Variants in ACER3 observed in about 807,000 individuals in gnomAD.
ACER3 encodes alkCDase 3.
ACER3 carries 16 observed loss-of-function variants against 48.9 expected under a neutral mutation model. The ratio of observed to expected loss-of-function variants is 0.33; its 90% CI spans 0.22 to 0.50. The LOEUF (loss-of-function observed/expected upper bound fraction) is 0.50, where lower values mean the gene tolerates loss of function less well. Among genes scored for constraint, ACER3 ranks in the 20% least tolerant of loss-of-function variants. The pLI, the probability that ACER3 is intolerant of heterozygous loss-of-function variation, is 0.98. For synonymous variants in ACER3, 109 were observed against 107.8 expected (o/e 1.01, Z -0.07); for missense variants, 227 against 326.0 (o/e 0.70, Z 2.34).
At chr11:76,909,489 C>T (rs1223939568) in intron 1 of ACER3, among the ~76,000 whole-genome samples, 1 of 152,180 alleles carries the variant, frequency 6.6e-6, no homozygotes, top group Non-Finnish European at 1.5e-5. Flanking sequence ...CAAAAGAAGA[C>T]ATTTATATGG....
intron 9 of ACER3, among the ~76,000 whole-genome samples, chr11:77,017,003 A>G (rs1163096821): frequency 6.6e-6 from 1 of 152,196 alleles, no homozygotes; most frequent in Non-Finnish European, 1.5e-5. Context: ...AACTTATGAC[A>G]TGCAGCAAAA....
rs1176218480 is a variant in ACER3, at chr11:77,026,464, T to A, written c.*6137T>A. 8 of 152,230 alleles carry A rather than the reference T, an allele frequency of 5.3e-5. No individual in the cohort carries two copies. Among genetic ancestry groups the A allele is most frequent in the Non-Finnish European group, 1.0e-4 (7 of 68,038 alleles). 9.4% of individuals were successfully genotyped at this position (152,230 alleles called of 1,614,324 possible). On this transcript the variant is annotated 3_prime_UTR_variant, in exon 11 of 11. Transcript: ENST00000532485. ...CTATCATGCCTTTCCATACTTGTAA[T>A]ATTTCTGAGTCACTTATTAATGTGA...
chr11:77,015,125 A>T lies in ACER3; in HGVS notation c.599+8A>T, dbSNP rs375377058. On this transcript the variant is annotated splice_region_variant and intron_variant, in intron 8 of 10. Coordinates refer to ENST00000532485, the MANE Select transcript of ACER3 (RefSeq NM_018367.7). ...ATTTTGTGAGTCACTGAGGTAAGAT[A>T]TATTTTCATTCCTTCAGAAATATTT... 1.5e-6 allele frequency: 2 copies of T among 1,372,486 alleles called. No individual in the cohort carries two copies. Among genetic ancestry groups the T allele is most frequent in the African/African-American group, 1.4e-5 (1 of 69,638 alleles). 85.0% of individuals were successfully genotyped at this position (1,372,486 alleles called of 1,614,324 possible).
chr11:76,950,101 T>A (rs1947601526), intron 2 of ACER3, among the ~76,000 whole-genome samples: 1 of 151,934 alleles, frequency 6.6e-6, no homozygotes, highest in South Asian at 2.1e-4. Flanking sequence ...AGATGACTTT[T>A]CTGCTCTCCC....
chr11:76,995,977 T>G (rs1203402215), intron 6 of ACER3, among the ~76,000 whole-genome samples: 1 of 152,184 alleles, frequency 6.6e-6, no homozygotes, highest in Non-Finnish European at 1.5e-5. Context: ...GGTCTCTACT[T>G]AGATATCTCA....
rs1261260756 is a variant in ACER3, at chr11:77,025,418, A to ATTTT, written c.*5095_*5098dup. ...TATATATATATATATATATTTATTT[A>ATTTT]TTTTTTTGAGACAGAGTCTCTCTCT... On this transcript the variant is annotated 3_prime_UTR_variant, in exon 11 of 11. Coordinates refer to ENST00000532485, the MANE Select transcript of ACER3 (RefSeq NM_018367.7). The ATTTT allele has an allele frequency of 3.6e-5, 5 of 140,096 alleles. No individual in the cohort carries two copies. Among genetic ancestry groups the ATTTT allele is most frequent in the East Asian group, 2.2e-4 (1 of 4,610 alleles). 8.7% of individuals were successfully genotyped at this position (140,096 alleles called of 1,614,324 possible).
intron 3 of ACER3, among the ~76,000 whole-genome samples, chr11:76,960,345 A>T (rs1947955327): frequency 6.6e-6 from 1 of 151,932 alleles, no homozygotes; most frequent in South Asian, 2.1e-4. Flanking sequence ...GGAGGCGGAG[A>T]TCGCAGTAAG....
intron 7 of ACER3, among the ~76,000 whole-genome samples, chr11:77,000,256 T>C (rs1555019507): frequency 1.3e-5 from 2 of 152,230 alleles, no homozygotes; most frequent in Non-Finnish European, 2.9e-5. Context: ...CTCATGTCTT[T>C]GCCTGGTTTC....
intron 1 of ACER3, among the ~76,000 whole-genome samples, chr11:76,873,359 G>C (rs970222879): frequency 3.3e-5 from 5 of 152,150 alleles, no homozygotes; most frequent in African/African-American, 1.2e-4. Context: ...AGTTCAAAAG[G>C]ATAAGCAGTT....
chr11:76,898,256 G>A (rs915588941), intron 1 of ACER3, among the ~76,000 whole-genome samples: 1 of 152,130 alleles, frequency 6.6e-6, no homozygotes, highest in Non-Finnish European at 1.5e-5. Flanking sequence ...ACTCCAAAAA[G>A]GGTACATCAA....
At chr11:76,890,637 C>T (rs1017489066) in intron 1 of ACER3, among the ~76,000 whole-genome samples, 1 of 152,174 alleles carries the variant, frequency 6.6e-6, no homozygotes, top group African/African-American at 2.4e-5. Flanking sequence ...TTAACTATTC[C>T]TGTACTTACA....
chr11:76,967,102 A>G (rs1273781414), intron 3 of ACER3, among the ~76,000 whole-genome samples: 2 of 152,134 alleles, frequency 1.3e-5, no homozygotes, highest in South Asian at 2.1e-4. Flanking sequence ...TCAAATAGAC[A>G]CAATCAAAAA....
At chr11:76,936,234 G>A (rs1414506613) in intron 2 of ACER3, among the ~76,000 whole-genome samples, 1 of 152,140 alleles carries the variant, frequency 6.6e-6, no homozygotes, top group East Asian at 1.9e-4. Context: ...AGACCATACA[G>A]TAGAGTTTTT....
At chr11:76,989,841 CAAT>C (rs1948762684) in intron 5 of ACER3, among the ~76,000 whole-genome samples, 2 of 152,134 alleles carry the variant, frequency 1.3e-5, no homozygotes, top group African/African-American at 4.8e-5. Flanking sequence ...TCCTGTAGGG[CAAT>C]ACATGCATGT....
intron 1 of ACER3, among the ~76,000 whole-genome samples, chr11:76,898,703 G>T (rs1347153049): frequency 6.6e-6 from 1 of 151,318 alleles, no homozygotes; most frequent in East Asian, 2.0e-4. Flanking sequence ...AGGAGATCGA[G>T]ACCATCCCGG....
intron 2 of ACER3, among the ~76,000 whole-genome samples, chr11:76,945,778 G>T (rs1222071674): frequency 6.6e-6 from 1 of 152,194 alleles, no homozygotes; most frequent in Non-Finnish European, 1.5e-5. Flanking sequence ...TGTGATATGG[G>T]TAATGGCAAT....
chr11:76,882,037 C>T (rs1303466643), intron 1 of ACER3, among the ~76,000 whole-genome samples: 1 of 143,002 alleles, frequency 7.0e-6, no homozygotes, highest in African/African-American at 2.6e-5. Context: ...TGGAGTCTCG[C>T]TCTGTTGTTC....
At chr11:76,919,243 G>T (rs1218408626) in intron 1 of ACER3, among the ~76,000 whole-genome samples, 1 of 152,080 alleles carries the variant, frequency 6.6e-6, no homozygotes, top group Non-Finnish European at 1.5e-5. Flanking sequence ...CCAAATGTTG[G>T]AAAACCGTTT....
chr11:76,947,526 T>C (rs1947508203), intron 2 of ACER3, among the ~76,000 whole-genome samples: 1 of 152,256 alleles, frequency 6.6e-6, no homozygotes, highest in Admixed American at 6.5e-5. Flanking sequence ...TATCCTGGTC[T>C]AATAGACTTT....
Sources: allele counts gnomAD v4.1 joint callset (sites outside exome capture counted in the v4.1 genomes callset), GRCh38; gene constraint gnomAD v4.1.1; transcripts MANE v1.5; gene names NCBI Gene and HGNC (gene_info 2026-07-23, HGNC 2026-07-21).